Variants in THSD7B observed in about 807,000 individuals in gnomAD.
The protein encoded by THSD7B is thrombospondin type 1 domain containing 7B, also known as thrombospondin type-1 domain-containing protein 7B.
In THSD7B, 138 loss-of-function variants were observed where a neutral mutation model predicts 213.6. That is an observed-to-expected ratio of 0.65 (90% CI 0.56 to 0.74). The LOEUF (loss-of-function observed/expected upper bound fraction) is 0.74, where lower values mean the gene tolerates loss of function less well. THSD7B is among the 30% of genes least tolerant of loss of function. The probability of loss-of-function intolerance (pLI) is 0.00; values close to 1 mark genes in which losing one functional copy is unlikely to be tolerated. For missense variants in THSD7B, 1,931 were observed against 1,991.5 expected (o/e 0.97, Z 0.58); for synonymous variants, 742 against 687.0 (o/e 1.08, Z -1.25).
At chr2:137,058,890 T>C (rs1687218502) in intron 3 of THSD7B, among the ~76,000 whole-genome samples, 1 of 152,196 alleles carries the variant, frequency 6.6e-6, no homozygotes, top group Non-Finnish European at 1.5e-5. Context: ...GGTACCCTGG[T>C]CTCAGACTTC....
chr2:137,592,008 A>G (rs1051431282), intron 17 of THSD7B, among the ~76,000 whole-genome samples: 1 of 151,686 alleles, frequency 6.6e-6, no homozygotes, highest in African/African-American at 2.4e-5. Context: ...TCATAGGAGT[A>G]TTTAAAATCT....
At chr2:137,346,805 T>G (rs1684885615) in intron 12 of THSD7B, among the ~76,000 whole-genome samples, 1 of 151,736 alleles carries the variant, frequency 6.6e-6, no homozygotes, top group African/African-American at 2.4e-5. Context: ...GTACTACATT[T>G]TCTTTAACCA....
intron 2 of THSD7B, among the ~76,000 whole-genome samples, chr2:136,954,261 C>T (rs1249867321): frequency 6.6e-6 from 1 of 152,072 alleles, no homozygotes; most frequent in African/African-American, 2.4e-5. Flanking sequence ...CCGGAAGGCT[C>T]CCTAAGGAGG....
chr2:136,968,173 G>A lies in THSD7B; in HGVS notation c.139+85856G>A, dbSNP rs189411246. On this transcript the variant is annotated intron_variant, in intron 2 of 27. Coordinates refer to ENST00000409968, the MANE Select transcript of THSD7B (RefSeq NM_001316349.2). The stretch of plus-strand genomic sequence containing the variant: ...GGCATGTATATCTTCAATCTGCTAC[G>A]AATGACAGGTTATTTTCCAACGTGA... Among the ~76,000 whole-genome samples, 12 of 152,192 alleles carry A rather than the reference G, an allele frequency of 7.9e-5. No homozygotes were observed. In the East Asian group the frequency reaches 2.1e-3, roughly 27 times the overall value.
chr2:137,229,336 A>G (rs1013928747), intron 7 of THSD7B, among the ~76,000 whole-genome samples: 1 of 150,100 alleles, frequency 6.7e-6, no homozygotes, highest in African/African-American at 2.4e-5. Flanking sequence ...TATACTTGTG[A>G]AAGTGCTGTA....
chr2:137,335,198 T>C (rs555945856), intron 12 of THSD7B, among the ~76,000 whole-genome samples: 1 of 152,362 alleles, frequency 6.6e-6, no homozygotes, highest in Non-Finnish European at 1.5e-5. Context: ...TGATTGCATA[T>C]GAGCTTTTAC....
intron 17 of THSD7B, among the ~76,000 whole-genome samples, chr2:137,584,140 G>A (rs1016360898): frequency 5.1e-4 from 78 of 152,080 alleles, no homozygotes; most frequent in Non-Finnish European, 1.0e-3. Flanking sequence ...CTCACTGTTC[G>A]TCTGTTATTG....
At chr2:136,861,256 C>G (rs918606348) in intron 1 of THSD7B, among the ~76,000 whole-genome samples, 1 of 152,146 alleles carries the variant, frequency 6.6e-6, no homozygotes, top group Non-Finnish European at 1.5e-5. Context: ...TTTAGGGTCT[C>G]ATTATTTAGT....
intron 20 of THSD7B, among the ~76,000 whole-genome samples, chr2:137,623,564 G>A (rs909497062): frequency 6.6e-6 from 1 of 152,166 alleles, no homozygotes; most frequent in Non-Finnish European, 1.5e-5. Flanking sequence ...TGACATGATT[G>A]TATATTGAGA....
intron 15 of THSD7B, among the ~76,000 whole-genome samples, chr2:137,454,608 T>G (rs1687726584): frequency 6.6e-6 from 1 of 152,166 alleles, no homozygotes; most frequent in Admixed American, 6.5e-5. Context: ...GTTATTCATA[T>G]TTTCTTAATT....
intron 27 of THSD7B, among the ~76,000 whole-genome samples, chr2:137,669,427 C>A (rs1363201867): frequency 1.3e-5 from 2 of 148,644 alleles, no homozygotes; most frequent in African/African-American, 2.4e-5. Flanking sequence ...GGTCATTCAT[C>A]CTAGAATCAA....
intron 1 of THSD7B, among the ~76,000 whole-genome samples, chr2:136,766,191 C>G (rs777120316): frequency 2.4e-4 from 37 of 152,174 alleles, no homozygotes; most frequent in African/African-American, 1.4e-4. Context: ...GCGCTGACTG[C>G]GAAATCTGTG....
At chr2:137,018,560 C>A (rs1194861179) in intron 2 of THSD7B, among the ~76,000 whole-genome samples, 1 of 152,162 alleles carries the variant, frequency 6.6e-6, no homozygotes, top group Non-Finnish European at 1.5e-5. Context: ...AATACAGCTT[C>A]TGGAAAATTC....
rs560518736 is a variant in THSD7B at position 137,521,296 on chromosome 2, A to G, written c.3139-41925A>G. ...AATAAAACAAAACAGATATTTGTTG[A>G]GCTGTCCTTCTGGGTCAGCCTTTGT... On this transcript the variant is annotated intron_variant, in intron 15 of 27. Coordinates refer to ENST00000409968, the MANE Select transcript of THSD7B (RefSeq NM_001316349.2). Among the ~76,000 whole-genome samples, 6 of 152,282 alleles carry G rather than the reference A, an allele frequency of 3.9e-5. No individual in the cohort carries two copies. In the East Asian group the frequency reaches 1.2e-3, roughly 29 times the overall value.
chr2:137,117,939 C>T lies in THSD7B; in HGVS notation c.1369+2646C>T, dbSNP rs373937142. ...TTATTTTTGGTGATGTCTCATTCCT[C>T]ACTGAACCTCAATTCAGGATGTTTG... On this transcript the variant is annotated intron_variant, in intron 5 of 27. Coordinates refer to ENST00000409968, the MANE Select transcript of THSD7B (RefSeq NM_001316349.2). 5.0e-4 allele frequency among the ~76,000 whole-genome samples: 76 copies of T among 152,294 alleles called. 2 individuals carry two copies. The South Asian group carries it at 0.014, about 27-fold the overall frequency.
chr2:137,122,041 A>G (rs906467861), intron 5 of THSD7B, among the ~76,000 whole-genome samples: 2 of 152,150 alleles, frequency 1.3e-5, no homozygotes, highest in African/African-American at 4.8e-5. Context: ...AACAAATGAG[A>G]AAGAAACAAG....
At chr2:137,378,792 C>T (rs1327008863) in intron 12 of THSD7B, among the ~76,000 whole-genome samples, 1 of 152,152 alleles carries the variant, frequency 6.6e-6, no homozygotes, top group African/African-American at 2.4e-5. Context: ...TGCTTCCAAT[C>T]ATGGCTGAGT....
chr2:136,993,313 C>T (rs1685822351), intron 2 of THSD7B, among the ~76,000 whole-genome samples: 2 of 152,178 alleles, frequency 1.3e-5, no homozygotes, highest in Admixed American at 1.3e-4. Context: ...GTGCTCCTTT[C>T]CTCCTGGAAT....
At chr2:137,184,361 A>G (rs1680512374) in intron 7 of THSD7B, among the ~76,000 whole-genome samples, 1 of 152,080 alleles carries the variant, frequency 6.6e-6, no homozygotes, top group African/African-American at 2.4e-5. Flanking sequence ...TAACTCATGA[A>G]TTTTTGAGGG....
Sources: gnomAD v4.1 joint callset for allele counts (sites outside exome capture counted in the v4.1 genomes callset) on GRCh38, gnomAD v4.1.1 for gene constraint, MANE v1.5 for transcripts, NCBI Gene and HGNC (gene_info 2026-07-23, HGNC 2026-07-21) for gene names.